TBC1D2B: variants seen among roughly 807,000 people sequenced by gnomAD.
TBC1D2B encodes the protein TBC1 domain family member 2B.
A neutral mutation model predicts 100.8 loss-of-function variants in TBC1D2B; 64 were observed. The observed-to-expected ratio is 0.64, with a 90% confidence interval of 0.52 to 0.78. The LOEUF is 0.78. Among genes scored for constraint, TBC1D2B ranks in the 30% least tolerant of loss-of-function variants. The pLI is 0.00. For synonymous variants in TBC1D2B, 480 were observed against 479.7 expected (o/e 1.00, Z -0.01); for missense variants, 1,052 against 1,218.4 (o/e 0.86, Z 2.03).
At chr15:78,038,770 A>G (rs2073008027) in intron 3 of TBC1D2B, among the ~76,000 whole-genome samples, 1 of 152,168 alleles carries the variant, frequency 6.6e-6, no homozygotes, top group African/African-American at 2.4e-5. Context: ...TCAGCTTGCC[A>G]TGCTGAGTCA....
chr15:78,074,385 C>T (rs1026566838), intron 1 of TBC1D2B, among the ~76,000 whole-genome samples: 2 of 152,172 alleles, frequency 1.3e-5, no homozygotes, highest in African/African-American at 4.8e-5. Context: ...ATACAGCCAA[C>T]ACTCGGTACT....
At chr15:78,034,431 G>T in intron 3 of TBC1D2B, 1 of 929,798 alleles carries the variant, frequency 1.1e-6, no homozygotes, top group Non-Finnish European at 1.3e-6. Flanking sequence ...CAGGTGGCAT[G>T]TGACTACCAC....
intron 3 of TBC1D2B, among the ~76,000 whole-genome samples, chr15:78,032,243 A>T (rs1011761831): frequency 3.3e-5 from 5 of 152,212 alleles, no homozygotes; most frequent in African/African-American, 1.2e-4. Context: ...GGAAAACCTC[A>T]TAATTCACAG....
At chr15:78,034,822 T>A in intron 3 of TBC1D2B, 1 of 849,440 alleles carries the variant, frequency 1.2e-6, no homozygotes, top group Non-Finnish European at 1.4e-6. Context: ...CTGTTTTTGC[T>A]CTTATGTGGC....
chr15:78,001,854 G>T, intron 11 of TBC1D2B, 114 bp from the exon 12 acceptor site: 1 of 1,232,462 alleles, frequency 8.1e-7, no homozygotes, highest in Non-Finnish European at 1.1e-6. Flanking sequence ...GGCTTGCACG[G>T]TCCCCGCCCT....
intron 3 of TBC1D2B, among the ~76,000 whole-genome samples, chr15:78,040,880 A>AAGAAAGAG (rs1275983230): frequency 4.7e-5 from 7 of 147,962 alleles, no homozygotes; most frequent in South Asian, 2.2e-4. Flanking sequence ...GAAAGAAAGA[A>AAGAAAGAG]AGAGAGAGAG....
At chr15:78,011,823 T>A (rs1171374166) in intron 9 of TBC1D2B, among the ~76,000 whole-genome samples, 1 of 151,970 alleles carries the variant, frequency 6.6e-6, no homozygotes, top group Non-Finnish European at 1.5e-5. Flanking sequence ...ATTTTTGTAT[T>A]TTTAGTAGAG....
intron 5 of TBC1D2B, among the ~76,000 whole-genome samples, 188 bp from the exon 6 acceptor site, chr15:78,024,727 T>C (rs1173271212): frequency 1.3e-5 from 2 of 152,146 alleles, no homozygotes; most frequent in African/African-American, 2.4e-5. Flanking sequence ...ATTTACTCCA[T>C]AAAGACTGTC....
In TBC1D2B at chr15:78,077,464, G is replaced by A. The variant is rs1297659282; in HGVS notation, c.189C>T (p.Arg63=). Residue 63 remains arginine (R), a synonymous_variant, in exon 1 of 13, where the codon CGC becomes CGT. Coordinates refer to ENST00000300584, the MANE Select transcript of TBC1D2B (RefSeq NM_144572.2). The part of the protein sequence containing the change: ...YRSRWFVFDA[R]RCYLYYFKSP... The stretch of plus-strand genomic sequence containing the variant: ...TCTTGAAATAGTAAAGGTAGCAGCG[G>A]CGCGCGTCGAACACGAACCAGCGGC... The A allele has an allele frequency of 1.9e-6, 3 of 1,538,626 alleles. No homozygotes were observed. The highest frequency in any genetic ancestry group is 2.8e-5 in the African/African-American group (2 of 70,860).
intron 3 of TBC1D2B, among the ~76,000 whole-genome samples, chr15:78,032,881 G>A (rs1382311821): frequency 6.6e-6 from 1 of 152,074 alleles, no homozygotes; most frequent in African/African-American, 2.4e-5. Context: ...AGGATGGATG[G>A]ACCAATGAGT....
intron 8 of TBC1D2B, among the ~76,000 whole-genome samples, chr15:78,014,004 G>C (rs186752750): frequency 1.3e-5 from 2 of 152,226 alleles, no homozygotes; most frequent in African/African-American, 4.8e-5. Context: ...ACCTGCTGCT[G>C]CTGCCCCGAA....
intron 6 of TBC1D2B, among the ~76,000 whole-genome samples, chr15:78,019,896 A>G (rs1338643039): frequency 6.8e-6 from 1 of 146,360 alleles, no homozygotes; most frequent in Admixed American, 6.8e-5. Flanking sequence ...ATCAAAAAAA[A>G]AAAAAGGGGG....
rs192201808 is a variant in TBC1D2B, at chr15:77,996,499, C to T, written c.*1661G>A. Reference sequence around the variant, plus strand: ...TCACAGGACAACTGAAGGAGTCAGACCTCAAACTGCTGCTCTCAAAGACAA... The same window carrying T: ...TCACAGGACAACTGAAGGAGTCAGATCTCAAACTGCTGCTCTCAAAGACAA... On this transcript the variant is annotated 3_prime_UTR_variant, in exon 13 of 13. Transcript: ENST00000300584. The T allele has an allele frequency of 1.3e-5, 2 of 152,326 alleles. No individual in the cohort carries two copies. The highest frequency in any genetic ancestry group is 3.9e-4 in the East Asian group (2 of 5,178). The allele number at this position is 152,326 out of a possible 1,614,324, so 9.4% of individuals were successfully genotyped here.
rs1227953792 is a variant in TBC1D2B, at chr15:78,039,018, C to A, written c.683+5882G>T. Among the ~76,000 whole-genome samples, 3 of 152,198 alleles carry A rather than the reference C, an allele frequency of 2.0e-5. No individual in the cohort carries two copies. In the East Asian group the frequency reaches 5.8e-4, roughly 29 times the overall value. The stretch of plus-strand genomic sequence containing the variant: ...GCACCACTGCAGAAACACACACACA[C>A]CCCAGCCAACTTCCTGCAACTGCTG... On this transcript the variant is annotated intron_variant, in intron 3 of 12. Transcript: ENST00000300584.
intron 10 of TBC1D2B, among the ~76,000 whole-genome samples, chr15:78,006,738 G>A (rs557081520): frequency 2.0e-5 from 3 of 152,324 alleles, no homozygotes; most frequent in East Asian, 1.9e-4. Context: ...TGGCTCAAGC[G>A]TGCAGGCTCT....
chr15:78,016,811 A>C (rs2072389309), intron 7 of TBC1D2B, 72 bp from the exon 8 acceptor site: 1 of 1,289,190 alleles, frequency 7.8e-7, no homozygotes, highest in Non-Finnish European at 1.0e-6. Context: ...TACGCAAATG[A>C]CCAGTGAACA....
chr15:78,043,387 C>A (rs1351497280), intron 3 of TBC1D2B, among the ~76,000 whole-genome samples: 1 of 152,130 alleles, frequency 6.6e-6, no homozygotes, highest in Non-Finnish European at 1.5e-5. Flanking sequence ...GCCACTACAA[C>A]CTTTCTCTTT....
At position 78,070,307 on chromosome 15, in the gene TBC1D2B, G is replaced by T. The variant is rs77106362; in HGVS notation, c.360+6986C>A. On this transcript the variant is annotated intron_variant, in intron 1 of 12. Coordinates refer to ENST00000300584, the MANE Select transcript of TBC1D2B (RefSeq NM_144572.2). ...TCCTTTGAGTCTCAGCTCAAATGTC[G>T]CTTCTTCAGGAAAGTCTTTCCTAGC... Among the ~76,000 whole-genome samples, 436 of 149,498 alleles carry T rather than the reference G, an allele frequency of 2.9e-3. 5 individuals carry two copies. Among genetic ancestry groups the T allele is most frequent in the African/African-American group, 0.01 (416 of 40,368 alleles).
chr15:78,000,256 G>A (rs1409157071), intron 12 of TBC1D2B, among the ~76,000 whole-genome samples: 1 of 152,252 alleles, frequency 6.6e-6, no homozygotes, highest in Non-Finnish European at 1.5e-5. Context: ...GCCCAGCAGT[G>A]TGGGAGGGGC....
Sources: gnomAD v4.1 joint callset for allele counts (sites outside exome capture counted in the v4.1 genomes callset) on GRCh38, gnomAD v4.1.1 for gene constraint, MANE v1.5 for transcripts, NCBI Gene and HGNC (gene_info 2026-07-23, HGNC 2026-07-21) for gene names.